Variants in DYNC2H1 observed in about 807,000 individuals in gnomAD.
DYNC2H1 encodes cytoplasmic dynein 2 heavy chain 1.
DYNC2H1 carries 410 observed loss-of-function variants against 570.0 expected under a neutral mutation model. That is an observed-to-expected ratio of 0.72 (90% CI 0.66 to 0.78). DYNC2H1 has a LOEUF of 0.78. DYNC2H1 is among the 30% of genes least tolerant of loss of function. The probability of loss-of-function intolerance (pLI) is 0.00; values close to 1 mark genes in which losing one functional copy is unlikely to be tolerated. For missense variants in DYNC2H1, 4,865 were observed against 5,046.4 expected (o/e 0.96, Z 1.09); for synonymous variants, 1,688 against 1,677.6 (o/e 1.01, Z -0.15).
Position 103,452,477 on chromosome 11 carries a change from G to A in DYNC2H1, c.12457-2709G>A, listed in dbSNP as rs979759492. Among the ~76,000 whole-genome samples the A allele has an allele frequency of 4.0e-5, 6 of 151,686 alleles. 1 individual carries two copies. The highest frequency in any genetic ancestry group is 3.9e-4 in the Admixed American group (6 of 15,224). On this transcript the variant is annotated intron_variant, in intron 85 of 88. Transcript: ENST00000375735. ...TGATTTCATTGCTTATAGCCAATAG[G>A]ATTAGCCTCTGACTTCTATATCCCT...
rs549522281 is a variant in DYNC2H1 at position 103,209,521 on chromosome 11, G to A, written c.8455-355G>A. On this transcript the variant is annotated intron_variant, in intron 52 of 88. Coordinates refer to ENST00000375735, the MANE Select transcript of DYNC2H1 (RefSeq NM_001377.3). The surrounding 1 kb of genome is among the most constrained non-coding windows in gnomAD (Gnocchi z 4.2). Reference sequence around the variant, plus strand: ...CTTGCTACCCCACTATGTCATGAAGGCATTTTACTAGTTTTATGCCAAATA... The same window carrying A: ...CTTGCTACCCCACTATGTCATGAAGACATTTTACTAGTTTTATGCCAAATA... Among the ~76,000 whole-genome samples the A allele has an allele frequency of 6.6e-6, 1 of 151,794 alleles. No individual in the cohort carries two copies. Among genetic ancestry groups the A allele is most frequent in the South Asian group, 2.1e-4 (1 of 4,802 alleles).
At chr11:103,172,713 A>C (rs1053279939) in intron 34 of DYNC2H1, among the ~76,000 whole-genome samples, 2 of 152,072 alleles carry the variant, frequency 1.3e-5, no homozygotes, top group African/African-American at 2.4e-5. Flanking sequence ...TATTTAGTTC[A>C]GTTGTCTCTG....
At chr11:103,450,145 A>G (rs577334839) in intron 85 of DYNC2H1, among the ~76,000 whole-genome samples, 3 of 152,344 alleles carry the variant, frequency 2.0e-5, no homozygotes, top group African/African-American at 4.8e-5. Flanking sequence ...AGATCAAGTC[A>G]TCAAAAGAAC....
At chr11:103,110,084 A>G (rs1858038767) in intron 1 of DYNC2H1, among the ~76,000 whole-genome samples, 1 of 152,146 alleles carries the variant, frequency 6.6e-6, no homozygotes, top group African/African-American at 2.4e-5. Context: ...GATGGAGTGT[A>G]GTGGCGCGAT....
Position 103,192,198 on chromosome 11 carries a change from T to C in DYNC2H1, c.7642T>C (p.Phe2548Leu). The C allele has an allele frequency of 6.3e-7, 1 of 1,589,376 alleles. No homozygotes were observed. Among genetic ancestry groups the C allele is most frequent in the South Asian group, 1.2e-5 (1 of 85,842 alleles). The change falls in exon 47 of 89, where the codon TTT becomes CTT. Residue 2548 changes from phenylalanine to leucine, a missense_variant. Physicochemically the swap from Phe to Leu is conservative, Grantham distance 22 (BLOSUM62 0). This residue lies in a region of DYNC2H1 where 2,401 missense variants were observed against 2,454.6 expected (regional missense o/e 0.98). Transcript: ENST00000375735. The part of the protein sequence containing the change: ...KIVGAKELHL[F>L]DIILTSVFQG... ...TGTTGGTGCAAAGGAACTTCATTTA[T>C]TTGACATCATTTTAACATCAGTGTT...
At position 103,228,088 on chromosome 11, in the gene DYNC2H1, G is replaced by A. The variant is rs553379925; in HGVS notation, c.9354-3172G>A. Among the ~76,000 whole-genome samples the A allele has an allele frequency of 6.6e-6, 1 of 152,192 alleles. No homozygotes were observed. Among genetic ancestry groups the A allele is most frequent in the East Asian group, 1.9e-4 (1 of 5,176 alleles). ...TTTATGAGAGTCCTTATTGTGTCAG[G>A]TGAGTCTCTTTTAGACAGCAGAAAC... On this transcript the variant is annotated intron_variant, in intron 59 of 88. Coordinates refer to ENST00000375735, the MANE Select transcript of DYNC2H1 (RefSeq NM_001377.3). The surrounding 1 kb of genome is among the most constrained non-coding windows in gnomAD (Gnocchi z 6.1).
intron 88 of DYNC2H1, among the ~76,000 whole-genome samples, chr11:103,469,594 T>G (rs1230626698): frequency 1.3e-5 from 2 of 152,176 alleles, no homozygotes; most frequent in African/African-American, 2.4e-5. Context: ...TAAAAAGCGA[T>G]AGCAGTTAGC....
intron 36 of DYNC2H1, among the ~76,000 whole-genome samples, chr11:103,175,048 T>C (rs1442264242): frequency 1.3e-5 from 2 of 152,106 alleles, no homozygotes; most frequent in Non-Finnish European, 2.9e-5. Context: ...TTTATTTAGC[T>C]CAATACAGAC....
intron 75 of DYNC2H1, among the ~76,000 whole-genome samples, chr11:103,295,653 A>G (rs1363349165): frequency 2.0e-5 from 3 of 152,210 alleles, no homozygotes; most frequent in African/African-American, 4.8e-5. Context: ...TTATGAAATA[A>G]GCCTGTGCAA....
At chr11:103,230,488 C>A (rs2135182080) in intron 59 of DYNC2H1, among the ~76,000 whole-genome samples, 1 of 152,304 alleles carries the variant, frequency 6.6e-6, no homozygotes, top group South Asian at 2.1e-4. Context: ...TGAGTAAGGG[C>A]ATAAGCTAGA....
Position 103,397,764 on chromosome 11 carries a change from G to A in DYNC2H1, c.12157-1899G>A, listed in dbSNP as rs191780781. Among the ~76,000 whole-genome samples the A allele has an allele frequency of 1.3e-3, 197 of 152,206 alleles. 1 individual carries two copies. Among genetic ancestry groups the A allele is most frequent in the African/African-American group, 4.3e-3 (179 of 41,522 alleles). ...ACAAAAATTAGCTGGGTGTGGTGATGGGTGCCTGTATTCCTAGCTACTCAG... is the reference window on the plus strand; with the variant it reads ...ACAAAAATTAGCTGGGTGTGGTGATAGGTGCCTGTATTCCTAGCTACTCAG... On this transcript the variant is annotated intron_variant, in intron 83 of 88. Transcript: ENST00000375735.
chr11:103,318,633 T>C (rs1937995140), intron 80 of DYNC2H1, among the ~76,000 whole-genome samples: 1 of 152,130 alleles, frequency 6.6e-6, no homozygotes, highest in Non-Finnish European at 1.5e-5. Flanking sequence ...TGAGTATATA[T>C]GTAGGAGTAG....
rs1442092247 is a variant in DYNC2H1 at position 103,369,500 on chromosome 11, G to T, written c.12156+11141G>T. Reference sequence around the variant, plus strand: ...TGCTGGGGCAGCTAAGGGAATGCTGGCATCACCCCTCTCCTAACCTCAGGA... The same window carrying T: ...TGCTGGGGCAGCTAAGGGAATGCTGTCATCACCCCTCTCCTAACCTCAGGA... On this transcript the variant is annotated intron_variant, in intron 83 of 88. Coordinates refer to ENST00000375735, the MANE Select transcript of DYNC2H1 (RefSeq NM_001377.3). The surrounding 1 kb of genome is among the most constrained non-coding windows in gnomAD (Gnocchi z 4.0). Among the ~76,000 whole-genome samples the T allele has an allele frequency of 6.6e-6, 1 of 152,118 alleles. No individual in the cohort carries two copies. Among genetic ancestry groups the T allele is most frequent in the Admixed American group, 6.6e-5 (1 of 15,266 alleles).
intron 63 of DYNC2H1, among the ~76,000 whole-genome samples, chr11:103,237,188 A>AT (rs1409089519): frequency 1.3e-5 from 2 of 151,984 alleles, no homozygotes; most frequent in East Asian, 3.9e-4. Flanking sequence ...TGATAATGTG[A>AT]TTTTTCTATT....
At position 103,158,917 on chromosome 11, in the gene DYNC2H1, G is replaced by A. The variant is rs771893039; in HGVS notation, c.4268G>A (p.Arg1423His). Residue 1423 changes from arginine to histidine, a missense_variant, in exon 28 of 89, where the codon CGC (arginine) becomes CAC (histidine). Physicochemically the swap from Arg to His is conservative, Grantham distance 29. This residue lies in a region of DYNC2H1 where 1,936 missense variants were observed against 1,962.1 expected (regional missense o/e 0.99). Transcript: ENST00000375735. ...TGTTTCTATTTTTATTAGGAAAAAC[G>A]CTCAGCATTCCCAAGATTTTATTTT... ...KSLNEFLEEK[R>H]SAFPRFYFIG... The A allele has an allele frequency of 6.8e-6, 11 of 1,606,344 alleles. No homozygotes were observed. The highest frequency in any genetic ancestry group is 2.7e-5 in the African/African-American group (2 of 74,710).
At chr11:103,153,176 C>T (rs1860648668) in intron 21 of DYNC2H1, 127 bp from the exon 22 acceptor site, 2 of 742,730 alleles carry the variant, frequency 2.7e-6, no homozygotes, top group South Asian at 2.1e-5. Context: ...AACAACCATC[C>T]TTTGAAAAGT....
intron 84 of DYNC2H1, among the ~76,000 whole-genome samples, chr11:103,427,634 C>CAGAT (rs1156525343): frequency 6.6e-6 from 1 of 152,032 alleles, no homozygotes; most frequent in East Asian, 1.9e-4. Context: ...TAAAAGTTTA[C>CAGAT]AGATAGCCAT....
Position 103,256,689 on chromosome 11 carries a change from C to G in DYNC2H1, c.10461+449C>G, listed in dbSNP as rs969159915. Among the ~76,000 whole-genome samples, 2 of 152,102 alleles carry G rather than the reference C, an allele frequency of 1.3e-5. No individual in the cohort carries two copies. The highest frequency in any genetic ancestry group is 4.1e-4 in the South Asian group (2 of 4,824). Reference sequence around the variant, plus strand: ...TGAACAGTGCTGGGTACTTTATTATCCTAATGTGGACACCTGTTAGAGTCA... The same window carrying G: ...TGAACAGTGCTGGGTACTTTATTATGCTAATGTGGACACCTGTTAGAGTCA... On this transcript the variant is annotated intron_variant, in intron 68 of 88. Transcript: ENST00000375735. This position sits in a 1 kb window ranked among gnomAD's most constrained non-coding sequence, Gnocchi z 4.0.
chr11:103,330,907 G>A (rs1938751856), intron 82 of DYNC2H1, among the ~76,000 whole-genome samples: 1 of 152,136 alleles, frequency 6.6e-6, no homozygotes, highest in Admixed American at 6.5e-5. Context: ...TACTTGGAGT[G>A]GAAGAAGGAA....
Sources: gnomAD v4.1 joint callset for allele counts (sites outside exome capture counted in the v4.1 genomes callset) on GRCh38, gnomAD v4.1.1 for gene constraint, gnomAD v4.1.1 regional missense constraint, Gnocchi (gnomAD v3.1) non-coding constraint, MANE v1.5 for transcripts, NCBI Gene and HGNC (gene_info 2026-07-23, HGNC 2026-07-21) for gene names.